Variants in LRBA observed in about 807,000 individuals in gnomAD.
The protein encoded by LRBA is lipopolysaccharide-responsive and beige-like anchor protein.
A neutral mutation model predicts 330.0 loss-of-function variants in LRBA; 176 were observed. The observed-to-expected ratio is 0.53, with a 90% CI of 0.47 to 0.60. The LOEUF (loss-of-function observed/expected upper bound fraction) is 0.60. Among genes scored for constraint, LRBA ranks in the 20% least tolerant of loss-of-function variants. The probability of loss-of-function intolerance (pLI) is 0.00; values close to 1 mark genes in which losing one functional copy is unlikely to be tolerated. For synonymous variants in LRBA, 1,230 were observed against 1,193.0 expected, an observed-to-expected ratio of 1.03 and a Z score of -0.64; for missense variants, 3,259 against 3,444.8, an observed-to-expected ratio of 0.95 and a Z score of 1.35.
intron 2 of LRBA, among the ~76,000 whole-genome samples, chr4:150,939,087 GA>G (rs943076251): frequency 1.3e-5 from 2 of 152,092 alleles, no homozygotes; most frequent in Non-Finnish European, 2.9e-5. Flanking sequence ...CCTATTCCCT[GA>G]CTATATTCTT....
At chr4:150,486,773 G>A (rs957305170) in intron 42 of LRBA, among the ~76,000 whole-genome samples, 1 of 151,436 alleles carries the variant, frequency 6.6e-6, no homozygotes, top group African/African-American at 2.4e-5. Context: ...TGTATCCTTT[G>A]ACCAACATCT....
At chr4:150,858,967 TA>T (rs199528694) in intron 22 of LRBA, among the ~76,000 whole-genome samples, 22 of 151,918 alleles carry the variant, frequency 1.4e-4, no homozygotes, top group South Asian at 1.2e-3. Context: ...GAGAATTCTT[TA>T]AAAAAAAATC....
At chr4:150,978,829 C>T (rs1372101568) in intron 2 of LRBA, among the ~76,000 whole-genome samples, 8 of 152,004 alleles carry the variant, frequency 5.3e-5, no homozygotes, top group Non-Finnish European at 1.2e-4. Flanking sequence ...TGAAAATACA[C>T]ACTTAGAGGA....
At chr4:150,418,054 C>A (rs1371469116) in intron 46 of LRBA, among the ~76,000 whole-genome samples, 1 of 150,772 alleles carries the variant, frequency 6.6e-6, no homozygotes, top group African/African-American at 2.4e-5. Context: ...CAGGGTCCCA[C>A]TCTGTCACCC....
intron 14 of LRBA, among the ~76,000 whole-genome samples, chr4:150,899,577 A>C (rs1730499807): frequency 6.6e-6 from 1 of 152,170 alleles, no homozygotes; most frequent in Non-Finnish European, 1.5e-5. Flanking sequence ...TTACCCTTTC[A>C]GCAAGTTAGT....
intron 22 of LRBA, among the ~76,000 whole-genome samples, chr4:150,857,165 A>C (rs1307857299): frequency 1.3e-5 from 2 of 152,146 alleles, no homozygotes; most frequent in Non-Finnish European, 2.9e-5. Flanking sequence ...CCAACCTTTG[A>C]TAAATAAGAT....
chr4:150,381,345 C>T (rs1376373174), intron 47 of LRBA, among the ~76,000 whole-genome samples: 1 of 152,140 alleles, frequency 6.6e-6, no homozygotes, highest in African/African-American at 2.4e-5. Flanking sequence ...ACCTATATGG[C>T]ACTCACTCCC....
Position 150,599,106 on chromosome 4 carries a change from C to A in LRBA, c.5947G>T (p.Asp1983Tyr). 6.2e-7 allele frequency: 1 copy of A among 1,614,032 alleles called. No homozygotes were observed. The highest frequency in any genetic ancestry group is 8.5e-7 in the Non-Finnish European group (1 of 1,179,968). The part of the protein sequence containing the change: ...VSRPLEFWRL[D>Y]YWEDDLRRRR... ...CGCCGCAAGTCATCTTCCCAGTAGT[C>A]AAGGCGCCAGAACTCAAGAGGACGA... is the stretch of plus-strand genomic sequence containing the variant. Residue 1983 changes from aspartate (D) to tyrosine (Y), a missense_variant, in exon 38 of 57, where the codon GAC (aspartate) becomes TAC (tyrosine). Physicochemically the swap from Asp to Tyr is radical, Grantham distance 160 (BLOSUM62 -3). Transcript: ENST00000651943.
chr4:150,754,541 A>AAG (rs1553954470), intron 35 of LRBA, among the ~76,000 whole-genome samples: 3,066 of 118,670 alleles, frequency 0.026, 205 homozygotes, highest in African/African-American at 0.035. Flanking sequence ...AAAAAAAAAA[A>AAG]AGAGAGAGAG....
At chr4:150,951,724 T>C (rs986366815) in intron 2 of LRBA, among the ~76,000 whole-genome samples, 1 of 152,198 alleles carries the variant, frequency 6.6e-6, no homozygotes, top group African/African-American at 2.4e-5. Context: ...AATAAAGTAG[T>C]TAGGTCCTGG....
intron 47 of LRBA, among the ~76,000 whole-genome samples, chr4:150,385,956 G>T (rs957357049): frequency 2.0e-5 from 3 of 152,084 alleles, no homozygotes; most frequent in African/African-American, 4.8e-5. Flanking sequence ...GACCCATAAG[G>T]CTGACTCGGC....
chr4:150,473,972 C>T (rs1207350657), intron 42 of LRBA, among the ~76,000 whole-genome samples: 2 of 152,166 alleles, frequency 1.3e-5, no homozygotes, highest in Admixed American at 1.3e-4. Context: ...AAAAGTTTTA[C>T]ATGTTGGTTG....
At position 150,685,037 on chromosome 4, in the gene LRBA, T is replaced by C. The variant is rs76390415; in HGVS notation, c.5755-1320A>G. On this transcript the variant is annotated intron_variant, in intron 36 of 56. Transcript: ENST00000651943. The stretch of plus-strand genomic sequence containing the variant: ...CAAAGTTCAAGATTTAGTTGGACAG[T>C]TGGTTCCCTCCTTCCTCTCAAGGTG... 5.1e-3 allele frequency among the ~76,000 whole-genome samples: 770 copies of C among 152,162 alleles called. 2 individuals are homozygous for C. The highest frequency in any genetic ancestry group is 7.4e-3 in the Non-Finnish European group (501 of 68,004).
chr4:150,691,312 T>C (rs868141665), intron 36 of LRBA, among the ~76,000 whole-genome samples: 4 of 152,048 alleles, frequency 2.6e-5, no homozygotes, highest in Non-Finnish European at 5.9e-5. Context: ...TACATCTAAA[T>C]GACAAATGAA....
chr4:150,997,800 T>C (rs1214641135), intron 2 of LRBA, among the ~76,000 whole-genome samples: 1 of 151,498 alleles, frequency 6.6e-6, no homozygotes, highest in Non-Finnish European at 1.5e-5. Flanking sequence ...GTCTCCCGGG[T>C]TCAAGCGATT....
intron 53 of LRBA, among the ~76,000 whole-genome samples, chr4:150,300,748 T>A (rs555913349): frequency 2.6e-5 from 4 of 152,216 alleles, no homozygotes; most frequent in Middle Eastern, 3.4e-3. Flanking sequence ...TATACATATA[T>A]CATGATATAT....
At position 150,907,077 on chromosome 4, in the gene LRBA, G is replaced by A. The variant is rs546824500; in HGVS notation, c.1494-672C>T. On this transcript the variant is annotated intron_variant, in intron 11 of 56. Transcript: ENST00000651943. ...CTACCTACAATTTTTAAAGATCCCC[G>A]GAAAGGAAAGGAAAAAGATCAGTTG... Among the ~76,000 whole-genome samples, 14 of 149,816 alleles carry A rather than the reference G, an allele frequency of 9.3e-5. No homozygotes were observed. The East Asian group carries it at 1.8e-3, about 19-fold the overall frequency.
chr4:150,767,082 AAGTT>A (rs549872071), intron 34 of LRBA, among the ~76,000 whole-genome samples: 551 of 152,282 alleles, frequency 3.6e-3, no homozygotes, highest in Non-Finnish European at 6.1e-3. Flanking sequence ...TTGGTGGTAA[AAGTT>A]AGTTAGGGCA....
At chr4:150,641,568 G>A (rs538361237) in intron 37 of LRBA, among the ~76,000 whole-genome samples, 1 of 152,138 alleles carries the variant, frequency 6.6e-6, no homozygotes, top group African/African-American at 2.4e-5. Flanking sequence ...TGCAAATAAG[G>A]TTTCATTTGC....
Sources: allele counts gnomAD v4.1 joint callset (sites outside exome capture counted in the v4.1 genomes callset), GRCh38; gene constraint gnomAD v4.1.1; transcripts MANE v1.5; gene names NCBI Gene and HGNC (gene_info 2026-07-23, HGNC 2026-07-21).